Variants in MAD1L1 observed in about 807,000 individuals in gnomAD.
MAD1L1 encodes the protein mitotic spindle assembly checkpoint protein MAD1.
In MAD1L1, 95 loss-of-function variants were observed where a neutral mutation model predicts 96.9. That is an observed-to-expected ratio of 0.98 (90% CI 0.83 to 1.16). The LOEUF (loss-of-function observed/expected upper bound fraction) is 1.16. MAD1L1 is among the 50% of genes most tolerant of loss of function. MAD1L1 has a pLI of 0.00. For missense variants in MAD1L1, 1,007 were observed against 954.4 expected, an observed-to-expected ratio of 1.06 and a Z score of -0.73; for synonymous variants, 473 against 396.6, an observed-to-expected ratio of 1.19 and a Z score of -2.29.
At chr7:1,937,592 G>A (rs1164601178) in intron 16 of MAD1L1, among the ~76,000 whole-genome samples, 1 of 151,596 alleles carries the variant, frequency 6.6e-6, no homozygotes, top group African/African-American at 2.4e-5. Flanking sequence ...GCCCACAGCA[G>A]GGAACAGCCG....
At chr7:2,150,800 C>T (rs1338090927) in intron 10 of MAD1L1, among the ~76,000 whole-genome samples, 1 of 152,228 alleles carries the variant, frequency 6.6e-6, no homozygotes, top group African/African-American at 2.4e-5. Flanking sequence ...GAGCACGCCA[C>T]GGCCTTCTCC....
intron 10 of MAD1L1, among the ~76,000 whole-genome samples, chr7:2,168,857 C>T (rs1020486614): frequency 2.6e-5 from 4 of 152,178 alleles, no homozygotes; most frequent in African/African-American, 9.7e-5. Context: ...GGTTTTATTC[C>T]GAGTGTGCTA....
intron 18 of MAD1L1, among the ~76,000 whole-genome samples, chr7:1,824,216 C>A (rs975559960): frequency 6.6e-6 from 1 of 152,162 alleles, no homozygotes; most frequent in East Asian, 1.9e-4. Flanking sequence ...CCAACGCCTC[C>A]CCTCTTACAC....
intron 18 of MAD1L1, among the ~76,000 whole-genome samples, chr7:1,853,204 C>T (rs1201313892): frequency 1.3e-5 from 2 of 152,332 alleles, no homozygotes; most frequent in East Asian, 1.9e-4. Context: ...TCCACCACCA[C>T]CTTCTAACAG....
chr7:2,080,228 C>G (rs940615436), intron 11 of MAD1L1, among the ~76,000 whole-genome samples: 1 of 152,230 alleles, frequency 6.6e-6, no homozygotes, highest in Non-Finnish European at 1.5e-5. Flanking sequence ...ATATGGCTTA[C>G]GGCTGCTTTC....
rs60548268 is a variant in MAD1L1 at position 1,888,651 on chromosome 7, C to T, written c.1998+9549G>A. Reference sequence around the variant, plus strand: ...GCGTGCATGTGGATGCCTGTGTGTGCGCGCATGTGTGTATGTGGCTGTCTG... The same window carrying T: ...GCGTGCATGTGGATGCCTGTGTGTGTGCGCATGTGTGTATGTGGCTGTCTG... On this transcript the variant is annotated intron_variant, in intron 18 of 18. Transcript: ENST00000265854. 3.6e-3 allele frequency among the ~76,000 whole-genome samples: 539 copies of T among 151,128 alleles called. 2 individuals carry two copies. The highest frequency in any genetic ancestry group is 0.012 in the African/African-American group (500 of 41,050).
intron 15 of MAD1L1, among the ~76,000 whole-genome samples, chr7:1,978,850 C>T (rs994234409): frequency 2.0e-5 from 3 of 152,150 alleles, no homozygotes; most frequent in Non-Finnish European, 2.9e-5. Flanking sequence ...GCCCTAAGGA[C>T]GCCACGGCAC....
chr7:1,870,813 C>G lies in MAD1L1; in HGVS notation c.1998+27387G>C, dbSNP rs1244625049. Among the ~76,000 whole-genome samples the G allele has an allele frequency of 3.9e-5, 2 of 50,906 alleles. 1 individual carries two copies. The highest frequency in any genetic ancestry group is 6.5e-5 in the Non-Finnish European group (2 of 30,566). The allele number at this position is 50,906 out of a possible 152,430, so 33.4% of individuals were successfully genotyped here. On this transcript the variant is annotated intron_variant, in intron 18 of 18. Coordinates refer to ENST00000265854, the MANE Select transcript of MAD1L1 (RefSeq NM_001013836.2). Reference sequence around the variant, plus strand: ...CGCTGAACCCAACATATGCCTGCCACGCTGAACCGACCATAACACCTGCCA... The same window carrying G: ...CGCTGAACCCAACATATGCCTGCCAGGCTGAACCGACCATAACACCTGCCA...
At chr7:1,960,022 C>T (rs141550560) in intron 15 of MAD1L1, among the ~76,000 whole-genome samples, 21 of 152,092 alleles carry the variant, frequency 1.4e-4, no homozygotes, top group Middle Eastern at 6.8e-3. Flanking sequence ...AAATGTATGA[C>T]AACAGTATAA....
At chr7:2,083,385 G>C (rs1053238285) in intron 11 of MAD1L1, among the ~76,000 whole-genome samples, 6 of 152,182 alleles carry the variant, frequency 3.9e-5, no homozygotes, top group Non-Finnish European at 5.9e-5. Context: ...TTTAAGAACT[G>C]ACAAAGACAG....
intron 18 of MAD1L1, chr7:1,848,029 G>A (rs898731654): frequency 3.2e-5 from 11 of 338,548 alleles, no homozygotes; most frequent in Admixed American, 2.8e-4. Flanking sequence ...ACAGAGAAGC[G>A]GCTGGGAGTC....
intron 18 of MAD1L1, among the ~76,000 whole-genome samples, chr7:1,824,327 G>A (rs1383312566): frequency 6.8e-6 from 1 of 146,092 alleles, no homozygotes; most frequent in Non-Finnish European, 1.5e-5. Flanking sequence ...AGGAAGCTGC[G>A]TGACCCTGGG....
intron 18 of MAD1L1, chr7:1,847,729 G>A (rs533015282): frequency 2.5e-4 from 118 of 469,554 alleles, no homozygotes; most frequent in Non-Finnish European, 4.7e-4. Flanking sequence ...TCGCTTCGGC[G>A]TCCCTGGGCC....
intron 11 of MAD1L1, among the ~76,000 whole-genome samples, chr7:2,096,420 T>C (rs930209164): frequency 1.1e-4 from 17 of 152,182 alleles, no homozygotes; most frequent in South Asian, 4.1e-4. Flanking sequence ...CGAACCTCAG[T>C]GCGGACTCGG....
At chr7:2,005,530 C>G (rs765910416) in intron 13 of MAD1L1, among the ~76,000 whole-genome samples, 1 of 152,150 alleles carries the variant, frequency 6.6e-6, no homozygotes, top group East Asian at 1.9e-4. Context: ...ATCCAGGCAC[C>G]GTGCTCATGC....
intron 14 of MAD1L1, among the ~76,000 whole-genome samples, chr7:1,990,821 T>C (rs1396306816): frequency 1.9e-3 from 8 of 4,126 alleles, no homozygotes; most frequent in African/African-American, 0.013. Flanking sequence ...AGAGCGCCAC[T>C]GCTGGCCTCA....
intron 12 of MAD1L1, among the ~76,000 whole-genome samples, chr7:2,060,435 TGAGATAACGCCGATGCC>T (rs1222358140): frequency 6.0e-5 from 9 of 150,042 alleles, no homozygotes; most frequent in Non-Finnish European, 7.4e-5. Context: ...ACGCCGATGC[TGAGATAACGCCGATGCC>T]GAGATAACGC....
chr7:2,104,954 C>T (rs1403094777), intron 11 of MAD1L1, among the ~76,000 whole-genome samples: 2 of 152,210 alleles, frequency 1.3e-5, no homozygotes, highest in Non-Finnish European at 2.9e-5. Flanking sequence ...CGCTCACCTC[C>T]TAAATGTTAA....
chr7:1,844,147 C>A (rs1234353638), intron 18 of MAD1L1: 1 of 154,510 alleles, frequency 6.5e-6, no homozygotes, highest in Non-Finnish European at 1.5e-5. Flanking sequence ...ACGGCTGAAC[C>A]GCTTAACTCA....
Sources: allele counts gnomAD v4.1 joint callset (sites outside exome capture counted in the v4.1 genomes callset), GRCh38; gene constraint gnomAD v4.1.1; transcripts MANE v1.5; gene names NCBI Gene and HGNC (gene_info 2026-07-23, HGNC 2026-07-21).